Variants in CHD9 observed in about 807,000 individuals in gnomAD.
CHD9 encodes the protein ATP-dependent chromatin remodeler CHD9.
CHD9 carries 77 observed loss-of-function variants against 316.1 expected under a neutral mutation model. The observed-to-expected ratio is 0.24, with a 90% CI of 0.20 to 0.29. CHD9 has a LOEUF of 0.29. Ranked by LOEUF, CHD9 falls within the 10% of genes least tolerant of loss-of-function variation. The pLI is 1.00. For synonymous variants in CHD9, 1,129 were observed against 1,158.3 expected, an observed-to-expected ratio of 0.97 and a Z score of 0.51; for missense variants, 2,763 against 3,438.1, an observed-to-expected ratio of 0.80 and a Z score of 4.91.
At chr16:53,284,876 C>T (rs1388079654) in intron 24 of CHD9, among the ~76,000 whole-genome samples, 2 of 152,102 alleles carry the variant, frequency 1.3e-5, no homozygotes, top group Admixed American at 6.5e-5. Flanking sequence ...GGAGATTTTC[C>T]CACCTCAGCC....
chr16:53,319,805 G>T, intron 37 of CHD9: 1 of 1,256,690 alleles, frequency 8.0e-7, no homozygotes, highest in Admixed American at 2.4e-5. Context: ...TGAGTCTCTC[G>T]GGTACAGGCT....
chr16:53,278,057 T>A (rs1204395180), intron 24 of CHD9, among the ~76,000 whole-genome samples: 1 of 148,540 alleles, frequency 6.7e-6, no homozygotes, highest in African/African-American at 2.5e-5. Context: ...ACCAAGGACG[T>A]GAAAGCTCTC....
At chr16:53,110,059 A>G (rs2037738570) in intron 1 of CHD9, among the ~76,000 whole-genome samples, 1 of 152,292 alleles carries the variant, frequency 6.6e-6, no homozygotes, top group East Asian at 1.9e-4. Flanking sequence ...TAATAATCCC[A>G]GGAGCCGAGT....
At chr16:53,314,154 G>C (rs1263721599) in intron 34 of CHD9, among the ~76,000 whole-genome samples, 1 of 151,746 alleles carries the variant, frequency 6.6e-6, no homozygotes, top group Admixed American at 6.6e-5. Flanking sequence ...GTGAATATCG[G>C]GAAAAAAAAT....
At chr16:53,275,967 A>C (rs1022700730) in intron 24 of CHD9, among the ~76,000 whole-genome samples, 1 of 152,086 alleles carries the variant, frequency 6.6e-6, no homozygotes, top group Non-Finnish European at 1.5e-5. Context: ...CACTAACAGC[A>C]CTTATTTAAT....
intron 1 of CHD9, among the ~76,000 whole-genome samples, chr16:53,107,160 C>A (rs1258334341): frequency 1.3e-5 from 2 of 151,934 alleles, no homozygotes; most frequent in Non-Finnish European, 1.5e-5. Flanking sequence ...GTAGGCCAGG[C>A]GTGGTGGCTC....
chr16:53,244,063 T>C (rs2049769721), intron 13 of CHD9, among the ~76,000 whole-genome samples: 1 of 152,170 alleles, frequency 6.6e-6, no homozygotes, highest in African/African-American at 2.4e-5. Context: ...ATATTTAGCA[T>C]GGGAATTTAA....
intron 1 of CHD9, among the ~76,000 whole-genome samples, chr16:53,116,883 C>T (rs2038351737): frequency 6.6e-6 from 1 of 152,168 alleles, no homozygotes; most frequent in Non-Finnish European, 1.5e-5. Context: ...CCATGGAATG[C>T]TATGCAGCCA....
At position 53,324,660 on chromosome 16, in the gene CHD9, C is replaced by T. The variant is rs776289125; in HGVS notation, c.8459C>T (p.Ser2820Phe). The change falls in exon 39 of 39, where the codon TCC becomes TTC. Residue 2820 changes from serine (S) to phenylalanine (F), a missense_variant. By Grantham distance (155) the Ser-to-Phe change is radical. Around this residue, in one of 15 missense-constraint regions of CHD9, gnomAD observed 298 missense variants for 380.2 expected, o/e 0.78. Coordinates refer to ENST00000447540, the MANE Select transcript of CHD9 (RefSeq NM_001308319.2). ...CTTAATCTTCATATTCCAACTTTGT[C>T]CCAGTCCAATACTTTTGATGTACAA... ...PGLNLHIPTL[S>F]QSNTFDVQNK... The T allele has an allele frequency of 1.2e-6, 2 of 1,613,676 alleles. No homozygotes were observed. The highest frequency in any genetic ancestry group is 4.5e-5 in the East Asian group (2 of 44,874).
intron 2 of CHD9, among the ~76,000 whole-genome samples, chr16:53,200,179 T>G (rs988274994): frequency 9.9e-5 from 15 of 152,146 alleles, no homozygotes; most frequent in Admixed American, 8.5e-4. Flanking sequence ...GAGACCAGCC[T>G]GACCAACATG....
chr16:53,288,770 T>C (rs2054099407), intron 27 of CHD9, among the ~76,000 whole-genome samples: 1 of 152,094 alleles, frequency 6.6e-6, no homozygotes, highest in Admixed American at 6.6e-5. Flanking sequence ...ATCACGGACT[T>C]TGGGTAAGAA....
Position 53,202,384 on chromosome 16 carries a change from TTC to T in CHD9, c.1453-7086_1453-7085del, listed in dbSNP as rs546041066. ...TGCATTTTGTTGAGGTCTTTTAAGT[TTC>T]TCTCTCTCTCTTTTTTTTTTTTTCT... On this transcript the variant is annotated intron_variant, in intron 2 of 38. Coordinates refer to ENST00000447540, the MANE Select transcript of CHD9 (RefSeq NM_001308319.2). Among the ~76,000 whole-genome samples the T allele has an allele frequency of 1.4e-4, 21 of 151,964 alleles. No individual in the cohort carries two copies. In the South Asian group the frequency reaches 3.7e-3, roughly 27 times the overall value.
intron 1 of CHD9, among the ~76,000 whole-genome samples, chr16:53,126,277 T>C (rs534032749): frequency 6.6e-6 from 1 of 152,312 alleles, no homozygotes; most frequent in Admixed American, 6.5e-5. Context: ...TATCCAGCAG[T>C]CCCACCATTG....
At chr16:53,127,284 A>C (rs918556259) in intron 1 of CHD9, among the ~76,000 whole-genome samples, 1 of 152,180 alleles carries the variant, frequency 6.6e-6, no homozygotes, top group Non-Finnish European at 1.5e-5. Context: ...TTGATTGTAT[A>C]AGTTTTCTCC....
intron 3 of CHD9, among the ~76,000 whole-genome samples, chr16:53,211,053 C>T (rs1464507564): frequency 6.6e-6 from 1 of 151,944 alleles, no homozygotes; most frequent in South Asian, 2.1e-4. Flanking sequence ...TAGTCTTTTG[C>T]TGAACCAAAA....
intron 1 of CHD9, among the ~76,000 whole-genome samples, chr16:53,134,321 T>G (rs1400058346): frequency 2.6e-5 from 4 of 152,232 alleles, no homozygotes; most frequent in Non-Finnish European, 5.9e-5. Flanking sequence ...TTCTTTGAAG[T>G]TGTCTTAACG....
intron 1 of CHD9, among the ~76,000 whole-genome samples, chr16:53,128,501 C>G (rs189442335): frequency 1.3e-5 from 2 of 152,132 alleles, no homozygotes; most frequent in African/African-American, 4.8e-5. Flanking sequence ...GACATTCTTA[C>G]TCTGGAGTGG....
chr16:53,071,905 A>T (rs1262391944), intron 1 of CHD9, among the ~76,000 whole-genome samples: 1 of 152,268 alleles, frequency 6.6e-6, no homozygotes, highest in African/African-American at 2.4e-5. Flanking sequence ...TCTGTCACTC[A>T]ACGGTTTGGG....
intron 1 of CHD9, among the ~76,000 whole-genome samples, chr16:53,126,921 C>T (rs1283902280): frequency 1.3e-5 from 2 of 152,108 alleles, no homozygotes; most frequent in Non-Finnish European, 2.9e-5. Flanking sequence ...TCAGGTGATC[C>T]ACCCACCTCG....
Sources: gnomAD v4.1 joint callset for allele counts (sites outside exome capture counted in the v4.1 genomes callset) on GRCh38, gnomAD v4.1.1 for gene constraint, gnomAD v4.1.1 regional missense constraint, MANE v1.5 for transcripts, NCBI Gene and HGNC (gene_info 2026-07-23, HGNC 2026-07-21) for gene names.